Variants in FIRRM observed in about 807,000 individuals in gnomAD.
FIRRM encodes the protein FIGNL1-interacting regulator of recombination and mitosis.
the FIRRM span, among the ~76,000 whole-genome samples, chr1:169,842,187 A>AG: frequency 1.3e-5 from 2 of 152,132 alleles, no homozygotes; most frequent in East Asian, 3.9e-4. Context: ...AAAAAAAAAA[A>AG]AAGTTTATTT....
At chr1:169,798,745 A>C in the FIRRM span, 1 of 359,086 alleles carries the variant, frequency 2.8e-6, no homozygotes, top group South Asian at 8.9e-5. Context: ...AATACTGTTT[A>C]CCTAATAAAT....
chr1:169,795,865 T>C, the FIRRM span: 14 of 985,392 alleles, frequency 1.4e-5, no homozygotes, highest in Non-Finnish European at 1.7e-5. Flanking sequence ...CCGCTTGTTG[T>C]TGGCTTTCAA....
chr1:169,851,598 TCCTGCAAAGA>T, the FIRRM span: 3 of 582,160 alleles, frequency 5.2e-6, no homozygotes, highest in African/African-American at 3.8e-5. Flanking sequence ...TATCATTTTT[TCCTGCAAAGA>T]CAACTCTATA....
At chr1:169,850,406 T>C in the FIRRM span, 2 of 1,122,920 alleles carry the variant, frequency 1.8e-6, no homozygotes, top group Non-Finnish European at 2.6e-6. Context: ...TCCGAAATTA[T>C]GTAACTGTAA....
chr1:169,815,062 C>T, the FIRRM span, among the ~76,000 whole-genome samples: 1 of 151,736 alleles, frequency 6.6e-6, no homozygotes, highest in African/African-American at 2.4e-5. Context: ...CTTTGGGAGG[C>T]AGAGGTGGGT....
At chr1:169,830,221 T>C in the FIRRM span, 4 of 1,493,460 alleles carry the variant, frequency 2.7e-6, no homozygotes, top group South Asian at 1.2e-5. Flanking sequence ...TTGTGAACTT[T>C]AGTATTTAAA....
the FIRRM span, among the ~76,000 whole-genome samples, chr1:169,809,777 C>A: frequency 6.6e-6 from 1 of 152,102 alleles, no homozygotes; most frequent in African/African-American, 2.4e-5. Context: ...ATAATTTCTT[C>A]AATCTTAACT....
At chr1:169,787,883 C>T in the FIRRM span, among the ~76,000 whole-genome samples, 76,251 of 151,494 alleles carry the variant, frequency 0.5, 19,728 homozygotes, top group Middle Eastern at 0.62. Context: ...AGTTTTTTTT[C>T]ATGTTGATCA....
chr1:169,845,795 T>C, the FIRRM span, among the ~76,000 whole-genome samples: 1 of 152,208 alleles, frequency 6.6e-6, no homozygotes, highest in Admixed American at 6.5e-5. Flanking sequence ...CACGGTAGGC[T>C]TGAACCCCCC....
At chr1:169,828,373 A>G in the FIRRM span, among the ~76,000 whole-genome samples, 1 of 152,194 alleles carries the variant, frequency 6.6e-6, no homozygotes, top group African/African-American at 2.4e-5. Context: ...ACATAATGTT[A>G]GAACTTCTCA....
the FIRRM span, among the ~76,000 whole-genome samples, chr1:169,798,358 C>T: frequency 1.3e-5 from 2 of 151,708 alleles, no homozygotes; most frequent in Admixed American, 6.6e-5. Context: ...ACCTCTGCCT[C>T]CCAGTTTCAA....
the FIRRM span, chr1:169,852,154 G>A: frequency 1.6e-6 from 1 of 611,896 alleles, no homozygotes; most frequent in Non-Finnish European, 2.8e-6. Flanking sequence ...TTGAATTATT[G>A]GTAGTAACCT....
chr1:169,847,854 G>A, the FIRRM span: 16 of 1,257,694 alleles, frequency 1.3e-5, no homozygotes, highest in Non-Finnish European at 1.8e-5. Flanking sequence ...ATCTCTATAA[G>A]AGTTAGTGAT....
chr1:169,824,061 A>G, the FIRRM span, among the ~76,000 whole-genome samples: 61 of 152,300 alleles, frequency 4.0e-4, 1 homozygote, highest in East Asian at 8.9e-3. Flanking sequence ...AGTGTCCCAG[A>G]CAACTTTTTC....
At chr1:169,852,710 G>A in the FIRRM span, 1 of 1,440,124 alleles carries the variant, frequency 6.9e-7, no homozygotes, top group Non-Finnish European at 9.6e-7. Context: ...AAATTTGCAT[G>A]TAAGCTTTAC....
At chr1:169,850,505 A>AAAAC in the FIRRM span, 788 of 566,478 alleles carry the variant, frequency 1.4e-3, 2 homozygotes, top group Middle Eastern at 6.7e-3. Context: ...CCACAGAAGT[A>AAAAC]AAACACTTGG....
At chr1:169,795,936 C>T in the FIRRM span, 1 of 985,452 alleles carries the variant, frequency 1.0e-6, no homozygotes, top group Non-Finnish European at 1.2e-6. Flanking sequence ...CTTGATTGGT[C>T]TCATGCCTTT....
chr1:169,832,323 G>A, the FIRRM span: 1 of 767,062 alleles, frequency 1.3e-6, no homozygotes. Flanking sequence ...CCCCTAGAAA[G>A]AGCTGCTATT....
chr1:169,810,875 C>T, the FIRRM span, among the ~76,000 whole-genome samples: 7 of 64,190 alleles, frequency 1.1e-4, no homozygotes, highest in South Asian at 6.3e-4. Context: ...TTTTTTGAGA[C>T]GGAGTCTCGC....
Sources: allele counts gnomAD v4.1 joint callset (sites outside exome capture counted in the v4.1 genomes callset), GRCh38; gene constraint gnomAD v4.1.1; transcripts MANE v1.5; gene names NCBI Gene and HGNC (gene_info 2026-07-23, HGNC 2026-07-21).